The following FETUB variants were observed in gnomAD, a reference collection of about 807,000 sequenced individuals.
FETUB encodes the protein fetuin B, also known as fetuin-B.
A neutral mutation model predicts 30.9 loss-of-function variants in FETUB; 28 were observed. That is an observed-to-expected ratio of 0.90 (90% confidence interval 0.67 to 1.24). The LOEUF (loss-of-function observed/expected upper bound fraction) is 1.24. Among genes scored for constraint, FETUB ranks in the 50% most tolerant of loss-of-function variants. The pLI, the probability that FETUB is intolerant of heterozygous loss-of-function variation, is 0.00. For synonymous variants in FETUB, 186 were observed against 175.9 expected (o/e 1.06, Z -0.45); for missense variants, 469 against 455.3 (o/e 1.03, Z -0.27).
chr3:186,651,543 A>G, intron 6 of FETUB: 1 of 498,330 alleles, frequency 2.0e-6, no homozygotes, highest in Non-Finnish European at 3.6e-6. Flanking sequence ...GCTGGCTTGG[A>G]TGTGATTCAA....
intron 3 of FETUB, among the ~76,000 whole-genome samples, chr3:186,642,917 C>T (rs1354294569): frequency 3.3e-5 from 5 of 152,176 alleles, no homozygotes; most frequent in African/African-American, 4.8e-5. Context: ...CTGGATGCCA[C>T]CCTGTTTTCT....
intron 3 of FETUB, among the ~76,000 whole-genome samples, chr3:186,643,864 C>T (rs1323376327): frequency 2.6e-5 from 4 of 152,294 alleles, no homozygotes; most frequent in East Asian, 1.9e-4. Context: ...GCTTATTGAC[C>T]TCAGCTCCTC....
Position 186,651,321 on chromosome 3 carries a change from CCTGT to C in FETUB, c.780+23_780+26del, listed in dbSNP as rs1718016746. 1.3e-6 allele frequency: 2 copies of C among 1,505,020 alleles called. No individual in the cohort carries two copies. The highest frequency in any genetic ancestry group is 1.8e-6 in the Non-Finnish European group (2 of 1,082,248). The allele number at this position is 1,505,020 out of a possible 1,614,324, so 93.2% of individuals were successfully genotyped here. ...TCACAGGTATTTTTCAATCTAATTGCCTGTCTTTCTGTGAAGAAGAGCAGATTAT... is the reference window on the plus strand; with the variant it reads ...TCACAGGTATTTTTCAATCTAATTGCCTTTCTGTGAAGAAGAGCAGATTAT... On this transcript the variant is annotated intron_variant, in intron 6 of 6. Coordinates refer to ENST00000265029, the MANE Select transcript of FETUB (RefSeq NM_014375.3).
Position 186,642,663 on chromosome 3 carries a change from G to T in FETUB, c.424+105G>T, listed in dbSNP as rs576807779. 9.5e-5 allele frequency: 70 copies of T among 736,992 alleles called. No individual in the cohort carries two copies. The South Asian group carries it at 1.0e-3, about 11-fold the overall frequency. 45.7% of individuals were successfully genotyped at this position (736,992 alleles called of 1,614,324 possible). A position where few individuals can be genotyped will look rare whatever the true frequency, so the allele number is the denominator to read the frequency against. ...AGGGTATCTCTCATTCTTATTTTCT[G>T]TTTATTCTTAATGCCAGTTTCTTAA... On this transcript the variant is annotated intron_variant, in intron 3 of 6. Coordinates refer to ENST00000265029, the MANE Select transcript of FETUB (RefSeq NM_014375.3).
intron 5 of FETUB, among the ~76,000 whole-genome samples, chr3:186,649,059 G>A (rs1350696706): frequency 1.3e-5 from 2 of 152,196 alleles, no homozygotes; most frequent in African/African-American, 4.8e-5. Context: ...GTCAGCGCCA[G>A]GTAGGCCTAT....
upstream of FETUB, among the ~76,000 whole-genome samples, chr3:186,637,084 A>C (rs1716797732): frequency 6.6e-6 from 1 of 152,138 alleles, no homozygotes; most frequent in Non-Finnish European, 1.5e-5. Context: ...TTATCTGTAC[A>C]ATGGGAATAA....
rs771117496 is a variant in FETUB at position 186,640,533 on chromosome 3, G to A, written c.73G>A (p.Ala25Thr). ...CGGAGCAATGTCTCCACCCCAGCTGGCCCTCAACCCCTCGGCTCTGCTCTC... is the reference window on the plus strand; with the variant it reads ...CGGAGCAATGTCTCCACCCCAGCTGACCCTCAACCCCTCGGCTCTGCTCTC... ...CCGAMSPPQLALNPSALLSRG... is the reference protein window; with the variant it reads ...CCGAMSPPQLTLNPSALLSRG... Residue 25 changes from alanine (A) to threonine (T), a missense_variant, in exon 1 of 7, where the codon GCC (alanine) becomes ACC (threonine). By Grantham distance (58) the Ala-to-Thr change is moderately conservative. Transcript: ENST00000265029. 6 of 1,614,182 alleles carry A rather than the reference G, an allele frequency of 3.7e-6. No individual in the cohort carries two copies. The Admixed American group carries it at 6.7e-5, about 18-fold the overall frequency.
At chr3:186,650,144 T>A (rs1157371244) in intron 5 of FETUB, among the ~76,000 whole-genome samples, 1 of 107,128 alleles carries the variant, frequency 9.3e-6, no homozygotes, top group African/African-American at 3.6e-5. Context: ...GTCTTTTTCT[T>A]ATAGTAGTTT....
At chr3:186,638,996 C>A (rs1012417086), upstream of FETUB, among the ~76,000 whole-genome samples, 1 of 152,216 alleles carries the variant, frequency 6.6e-6, no homozygotes, top group Non-Finnish European at 1.5e-5. Context: ...TCCTCAAAAA[C>A]TATTTCTCTC....
chr3:186,636,932 G>A (rs1716792249), upstream of FETUB, among the ~76,000 whole-genome samples: 1 of 152,148 alleles, frequency 6.6e-6, no homozygotes, highest in South Asian at 2.1e-4. Flanking sequence ...AGTAGAACTA[G>A]TTTCTCCCCT....
chr3:186,639,336 T>C (rs897757383), upstream of FETUB, among the ~76,000 whole-genome samples: 1 of 152,202 alleles, frequency 6.6e-6, no homozygotes, highest in Non-Finnish European at 1.5e-5. Flanking sequence ...TAGCCACCAC[T>C]GTGTACCAGC....
chr3:186,642,788 G>C (rs1717178856), intron 3 of FETUB, among the ~76,000 whole-genome samples: 1 of 152,148 alleles, frequency 6.6e-6, no homozygotes, highest in South Asian at 2.1e-4. Flanking sequence ...TGCTGCATCA[G>C]ATCTTACATT....
rs1229157154 is a variant in FETUB, at chr3:186,652,601, G to C, written c.1119G>C (p.Gln373His). 2 of 1,611,302 alleles carry C rather than the reference G, an allele frequency of 1.2e-6. No individual in the cohort carries two copies. The highest frequency in any genetic ancestry group is 1.7e-5 in the Admixed American group (1 of 59,642). ...ARTAECPGPA[Q>H]NASPLVLPP ...CTGCTGAGTGCCCAGGGCCAGCCCA[G>C]AATGCCAGCCCTCTTGTCCTTCCGC... Residue 373 changes from glutamine (Q) to histidine (H), a missense_variant, in exon 7 of 7, where the codon CAG becomes CAC. Physicochemically the swap from Gln to His is conservative, Grantham distance 24 (BLOSUM62 0). Coordinates refer to ENST00000265029, the MANE Select transcript of FETUB (RefSeq NM_014375.3).
intron 5 of FETUB, among the ~76,000 whole-genome samples, chr3:186,649,551 A>G (rs1357897417): frequency 6.6e-6 from 1 of 151,814 alleles, no homozygotes; most frequent in Non-Finnish European, 1.5e-5. Context: ...CTTCCTGCAA[A>G]CCTCCACCTC....
At chr3:186,643,742 A>G (rs1157701674) in intron 3 of FETUB, among the ~76,000 whole-genome samples, 1 of 152,176 alleles carries the variant, frequency 6.6e-6, no homozygotes, top group Non-Finnish European at 1.5e-5. Context: ...GTCCCCCATT[A>G]TCTCCACCAG....
chr3:186,644,993 G>A (rs867727735), intron 4 of FETUB, 73 bp downstream of exon 4: 1 of 1,283,716 alleles, frequency 7.8e-7, no homozygotes, highest in Non-Finnish European at 1.1e-6. Context: ...TAAGCTGGGA[G>A]GAAAATGTCA....
At chr3:186,639,655 T>TAAAAA (rs5855107), upstream of FETUB, among the ~76,000 whole-genome samples, 8 of 129,404 alleles carry the variant, frequency 6.2e-5, no homozygotes, top group Non-Finnish European at 9.6e-5. Context: ...AAATAGAAGC[T>TAAAAA]AAAAAAAAAA....
chr3:186,649,962 G>A (rs555285346), intron 5 of FETUB, among the ~76,000 whole-genome samples: 75 of 152,106 alleles, frequency 4.9e-4, no homozygotes, highest in Admixed American at 1.4e-3. Context: ...TTGATGCAAC[G>A]GACATGGTAT....
intron 4 of FETUB, among the ~76,000 whole-genome samples, chr3:186,645,956 ACCTCGTGATCCGC>A (rs1717494232): frequency 6.7e-6 from 1 of 149,056 alleles, no homozygotes; most frequent in Non-Finnish European, 1.5e-5. Flanking sequence ...TGATCTCCTG[ACCTCGTGATCCGC>A]CCGCCTCGGC....
Sources: gnomAD v4.1 joint callset for allele counts (sites outside exome capture counted in the v4.1 genomes callset) on GRCh38, gnomAD v4.1.1 for gene constraint, MANE v1.5 for transcripts, NCBI Gene and HGNC (gene_info 2026-07-23, HGNC 2026-07-21) for gene names.